Variants in POPDC1 observed in about 807,000 individuals in gnomAD.
POPDC1 encodes the protein popeye domain cAMP effector 1.
At chr6:105,101,066 G>A in the POPDC1 span, 6 of 1,592,748 alleles carry the variant, frequency 3.8e-6, no homozygotes, top group South Asian at 2.3e-5. Flanking sequence ...CTTCCGTCTT[G>A]GTAACCTGAA....
chr6:105,099,662 G>T, the POPDC1 span: 4 of 152,250 alleles, frequency 2.6e-5, no homozygotes, highest in African/African-American at 7.2e-5. Flanking sequence ...TGGAATCAAG[G>T]CCCTCACTGC....
chr6:105,115,743 C>A, the POPDC1 span: 3 of 1,614,162 alleles, frequency 1.9e-6, no homozygotes, highest in South Asian at 1.1e-5. Flanking sequence ...TCGTCACTGT[C>A]ACTGGAGCTG....
At chr6:105,129,472 G>T in the POPDC1 span, 1 of 1,612,650 alleles carries the variant, frequency 6.2e-7, no homozygotes, top group Non-Finnish European at 8.5e-7. Flanking sequence ...CACATCGGTA[G>T]AGAGTGGCCC....
At chr6:105,108,749 G>GT in the POPDC1 span, among the ~76,000 whole-genome samples, 1 of 152,208 alleles carries the variant, frequency 6.6e-6, no homozygotes, top group Admixed American at 6.5e-5. Flanking sequence ...AGAAATAAAT[G>GT]TAAGCACTGC....
At chr6:105,129,412 C>T in the POPDC1 span, 1 of 1,612,162 alleles carries the variant, frequency 6.2e-7, no homozygotes, top group Non-Finnish European at 8.5e-7. Flanking sequence ...ACGACAGATG[C>T]AAAATGTTGA....
chr6:105,124,332 A>G, the POPDC1 span, among the ~76,000 whole-genome samples: 2 of 143,640 alleles, frequency 1.4e-5, no homozygotes, highest in African/African-American at 2.6e-5. Context: ...CAGTGAGCCG[A>G]GATTGCACCA....
the POPDC1 span, among the ~76,000 whole-genome samples, chr6:105,117,537 G>A: frequency 6.6e-6 from 1 of 152,202 alleles, no homozygotes; most frequent in East Asian, 1.9e-4. Flanking sequence ...AAGCAGAAAG[G>A]TACTATAACT....
the POPDC1 span, among the ~76,000 whole-genome samples, chr6:105,119,267 C>T: frequency 6.6e-6 from 1 of 150,702 alleles, no homozygotes; most frequent in African/African-American, 2.4e-5. Context: ...AGGTCAAAAT[C>T]TACCCAATAC....
the POPDC1 span, among the ~76,000 whole-genome samples, chr6:105,113,587 G>C: frequency 6.6e-6 from 1 of 152,172 alleles, no homozygotes; most frequent in African/African-American, 2.4e-5. Flanking sequence ...TCCTTCTGCA[G>C]TTACAATGGC....
At chr6:105,105,493 G>T in the POPDC1 span, among the ~76,000 whole-genome samples, 10 of 152,344 alleles carry the variant, frequency 6.6e-5, no homozygotes, top group Admixed American at 5.9e-4. Context: ...GCTTTGAGGA[G>T]TGAGGGGCTC....
the POPDC1 span, chr6:105,133,498 A>C: frequency 9.9e-6 from 16 of 1,613,788 alleles, no homozygotes; most frequent in African/African-American, 1.3e-5. Flanking sequence ...ATTGGAAGGC[A>C]CAGGTATGAT....
the POPDC1 span, among the ~76,000 whole-genome samples, chr6:105,103,567 G>T: frequency 1.1e-4 from 16 of 151,952 alleles, no homozygotes; most frequent in Non-Finnish European, 2.2e-4. Context: ...TCTACAATGA[G>T]ACAAAACTCT....
the POPDC1 span, chr6:105,133,507 A>G: frequency 6.2e-7 from 1 of 1,613,862 alleles, no homozygotes; most frequent in South Asian, 1.1e-5. Flanking sequence ...CACAGGTATG[A>G]TACTTTCTAA....
At chr6:105,134,193 T>A in the POPDC1 span, among the ~76,000 whole-genome samples, 1 of 148,200 alleles carries the variant, frequency 6.7e-6, no homozygotes, top group South Asian at 2.1e-4. Flanking sequence ...TATAAACATT[T>A]ATATATACAC....
At chr6:105,131,109 TA>T in the POPDC1 span, among the ~76,000 whole-genome samples, 1 of 152,182 alleles carries the variant, frequency 6.6e-6, no homozygotes, top group Non-Finnish European at 1.5e-5. Flanking sequence ...AAAATAAAAC[TA>T]TCATGAAGAT....
the POPDC1 span, chr6:105,098,050 T>C: frequency 6.6e-6 from 1 of 152,190 alleles, no homozygotes. Context: ...ACATTTAAAG[T>C]AGTAGATTTG....
chr6:105,116,592 A>C, the POPDC1 span: 24 of 821,592 alleles, frequency 2.9e-5, no homozygotes, highest in Non-Finnish European at 4.4e-5. Flanking sequence ...TATCCCCAGT[A>C]CATTTAACAT....
chr6:105,127,148 T>C, the POPDC1 span, among the ~76,000 whole-genome samples: 7 of 152,204 alleles, frequency 4.6e-5, no homozygotes, highest in Non-Finnish European at 7.3e-5. Flanking sequence ...AATGTCACTA[T>C]AGCATTTGCA....
the POPDC1 span, chr6:105,125,440 C>CAGTT: frequency 6.8e-6 from 11 of 1,614,094 alleles, no homozygotes; most frequent in Non-Finnish European, 9.3e-6. Context: ...GTTTTATCCT[C>CAGTT]TGCAGCATAA....
Sources: allele counts gnomAD v4.1 joint callset (sites outside exome capture counted in the v4.1 genomes callset), GRCh38; gene constraint gnomAD v4.1.1; transcripts MANE v1.5; gene names NCBI Gene and HGNC (gene_info 2026-07-23, HGNC 2026-07-21).